TAMM41: variants seen among roughly 807,000 people sequenced by gnomAD.
TAMM41 encodes the protein TAM41 mitochondrial translocator assembly and maintenance homolog, also known as phosphatidate cytidylyltransferase, mitochondrial.
Under a neutral mutation model 44.1 loss-of-function variants are expected in TAMM41, and 36 were observed. The ratio of observed to expected loss-of-function variants is 0.82; its 90% confidence interval spans 0.63 to 1.08. TAMM41 has a LOEUF of 1.08. Among genes scored for constraint, TAMM41 ranks in the 50% least tolerant of loss-of-function variants. The probability of loss-of-function intolerance (pLI) is 0.00; values close to 1 mark genes in which losing one functional copy is unlikely to be tolerated. For synonymous variants in TAMM41, 164 were observed against 153.1 expected (o/e 1.07, Z -0.53); for missense variants, 417 against 404.3 (o/e 1.03, Z -0.27).
chr3:11,784,361 G>A, the TAMM41 span, among the ~76,000 whole-genome samples: 9 of 152,144 alleles, frequency 5.9e-5, no homozygotes, highest in African/African-American at 2.2e-4. Flanking sequence ...CAGGTGTGGT[G>A]GTGTGAGCCT....
At chr3:11,744,395 G>T in the TAMM41 span, among the ~76,000 whole-genome samples, 13 of 151,986 alleles carry the variant, frequency 8.6e-5, no homozygotes, top group East Asian at 6.0e-4. Context: ...GAGAAGCACG[G>T]TTTAAAAGTT....
At chr3:11,775,262 G>T in the TAMM41 span, among the ~76,000 whole-genome samples, 1 of 152,108 alleles carries the variant, frequency 6.6e-6, no homozygotes, top group Non-Finnish European at 1.5e-5. Flanking sequence ...CCATAAGCCA[G>T]AATACTTTCC....
chr3:11,728,478 G>A, the TAMM41 span, among the ~76,000 whole-genome samples: 2 of 152,196 alleles, frequency 1.3e-5, no homozygotes, highest in African/African-American at 4.8e-5. Context: ...ATATATGAAA[G>A]CATTAACAGT....
chr3:11,754,980 G>A, the TAMM41 span, among the ~76,000 whole-genome samples: 23 of 152,094 alleles, frequency 1.5e-4, no homozygotes, highest in African/African-American at 5.6e-4. Context: ...GATTACAGGT[G>A]TGAGTCACTG....
At chr3:11,807,184 A>G (rs1192836263) in intron 7 of TAMM41, 1 of 1,385,298 alleles carries the variant, frequency 7.2e-7, no homozygotes, top group Non-Finnish European at 9.3e-7. Flanking sequence ...TCTCCATGAG[A>G]GAAGAACATT....
the TAMM41 span, among the ~76,000 whole-genome samples, chr3:11,726,794 CTG>C: frequency 7.7e-6 from 1 of 130,126 alleles, no homozygotes; most frequent in Non-Finnish European, 1.6e-5. Context: ...CTGGGCGACT[CTG>C]TCTCAAAAAA....
At chr3:11,786,908 A>C (rs188615520), downstream of TAMM41, among the ~76,000 whole-genome samples, 35 of 152,370 alleles carry the variant, frequency 2.3e-4, no homozygotes, top group Admixed American at 2.2e-3. Context: ...CAATGACTTT[A>C]AATGACAATG....
intron 4 of TAMM41, among the ~76,000 whole-genome samples, chr3:11,823,660 C>CT (rs34657936): frequency 0.32 from 39,644 of 122,348 alleles, 7,593 homozygotes; most frequent in Admixed American, 0.42. Context: ...TGCCTTTTTA[C>CT]TTTTTTTTTT....
At chr3:11,759,337 C>A in the TAMM41 span, among the ~76,000 whole-genome samples, 1 of 152,020 alleles carries the variant, frequency 6.6e-6, no homozygotes, top group South Asian at 2.1e-4. Context: ...TAATAGCAAG[C>A]ATCTCTCATG....
the TAMM41 span, among the ~76,000 whole-genome samples, chr3:11,732,554 T>TG: frequency 1.3e-5 from 2 of 152,030 alleles, no homozygotes; most frequent in African/African-American, 4.8e-5. Flanking sequence ...TTCGAAATAG[T>TG]GAAAAAAGAC....
chr3:11,798,018 G>A (rs2077652039), intron 7 of TAMM41, among the ~76,000 whole-genome samples: 1 of 152,140 alleles, frequency 6.6e-6, no homozygotes, highest in Non-Finnish European at 1.5e-5. Flanking sequence ...TGAGGTTGTG[G>A]AGAAAAAGGA....
chr3:11,770,266 C>A, the TAMM41 span, among the ~76,000 whole-genome samples: 3 of 152,114 alleles, frequency 2.0e-5, no homozygotes, highest in African/African-American at 7.2e-5. Flanking sequence ...GGTGGAGACA[C>A]AGAGAAAGTT....
chr3:11,785,492 A>C (rs923138163), downstream of TAMM41, among the ~76,000 whole-genome samples: 6 of 151,998 alleles, frequency 3.9e-5, no homozygotes, highest in African/African-American at 1.4e-4. Flanking sequence ...TGCCCAGCTA[A>C]GTTTTGTATT....
Position 11,794,268 on chromosome 3 carries a change from C to T in TAMM41, c.938-3687G>A, listed in dbSNP as rs371018922. Among the ~76,000 whole-genome samples the T allele has an allele frequency of 9.9e-5, 15 of 152,026 alleles. No homozygotes were observed. In the East Asian group the frequency reaches 2.7e-3, roughly 27 times the overall value. On this transcript the variant is annotated intron_variant, in intron 7 of 7. Coordinates refer to ENST00000455809, the MANE Select transcript of TAMM41 (RefSeq NM_001284401.2). ...CCTCTCTCCTCATCTTCCTGAGTAG[C>T]TGGGGCTACAGGTACATGCCACCAC...
intron 7 of TAMM41, among the ~76,000 whole-genome samples, chr3:11,791,871 C>T (rs2077485739): frequency 6.6e-6 from 1 of 152,148 alleles, no homozygotes; most frequent in Admixed American, 6.5e-5. Context: ...TCCCTGCCTC[C>T]ACCCCTTTTA....
intron 4 of TAMM41, among the ~76,000 whole-genome samples, chr3:11,825,938 A>G (rs919002473): frequency 2.0e-5 from 3 of 152,180 alleles, no homozygotes; most frequent in Admixed American, 1.3e-4. Flanking sequence ...ATTGTTTGTC[A>G]ATATGTAACA....
At chr3:11,780,047 C>T in the TAMM41 span, among the ~76,000 whole-genome samples, 2 of 152,186 alleles carry the variant, frequency 1.3e-5, no homozygotes, top group Non-Finnish European at 2.9e-5. Context: ...CATCTCTCAA[C>T]TAGATGACTA....
the TAMM41 span, among the ~76,000 whole-genome samples, chr3:11,725,277 TCTC>T: frequency 6.9e-5 from 9 of 130,594 alleles, no homozygotes; most frequent in East Asian, 2.1e-3. Flanking sequence ...TCCTCCCTCT[TCTC>T]CTCCTTCTCC....
At chr3:11,754,980 GTGAGTCAC>G in the TAMM41 span, among the ~76,000 whole-genome samples, 1 of 152,096 alleles carries the variant, frequency 6.6e-6, no homozygotes. Flanking sequence ...GATTACAGGT[GTGAGTCAC>G]TGCACCTGGC....
Sources: gnomAD v4.1 joint callset for allele counts (sites outside exome capture counted in the v4.1 genomes callset) on GRCh38, gnomAD v4.1.1 for gene constraint, MANE v1.5 for transcripts, NCBI Gene and HGNC (gene_info 2026-07-23, HGNC 2026-07-21) for gene names.